RASAL2: variants seen among roughly 807,000 people sequenced by gnomAD.
The protein encoded by RASAL2 is ras GTPase-activating protein nGAP.
RASAL2 carries 58 observed loss-of-function variants against 128.9 expected under a neutral mutation model. The observed-to-expected ratio is 0.45, with a 90% CI of 0.36 to 0.56. The LOEUF is 0.56. Ranked by LOEUF, RASAL2 falls within the 20% of genes least tolerant of loss-of-function variation. The probability of loss-of-function intolerance (pLI) is 0.00; values close to 1 mark genes in which losing one functional copy is unlikely to be tolerated. For synonymous variants in RASAL2, 561 were observed against 580.8 expected (o/e 0.97, Z 0.49); for missense variants, 1,360 against 1,601.6 (o/e 0.85, Z 2.57).
In RASAL2 at chr1:178,390,166, A is replaced by C; in HGVS notation, c.524A>C (p.Asn175Thr). Reference protein sequence around the residue: ...ISGTSTSEKPNSMDTANTSPF... With the variant: ...ISGTSTSEKPTSMDTANTSPF... Reference sequence around the variant, plus strand: ...GGGACCAGTACATCAGAGAAACCCAACTCCATGGACACTGCAAATACCTCA... The same window carrying C: ...GGGACCAGTACATCAGAGAAACCCACCTCCATGGACACTGCAAATACCTCA... Residue 175 changes from asparagine (N) to threonine (T), a missense_variant, in exon 4 of 18, where the codon AAC (asparagine) becomes ACC (threonine). Coordinates refer to ENST00000367649, the MANE Select transcript of RASAL2 (RefSeq NM_170692.4). 6.2e-7 allele frequency: 1 copy of C among 1,612,250 alleles called. No homozygotes were observed. Among genetic ancestry groups the C allele is most frequent in the South Asian group, 1.1e-5 (1 of 90,864 alleles).
intron 2 of RASAL2, among the ~76,000 whole-genome samples, chr1:178,290,435 C>T (rs780946836): frequency 1.3e-5 from 2 of 152,132 alleles, no homozygotes; most frequent in Non-Finnish European, 2.9e-5. Context: ...TGCTTTTCCA[C>T]AGTTGAATAC....
chr1:178,173,584 A>G (rs1276180132), intron 1 of RASAL2, among the ~76,000 whole-genome samples: 2 of 152,062 alleles, frequency 1.3e-5, no homozygotes, highest in African/African-American at 4.8e-5. Flanking sequence ...TCTGTAAAGA[A>G]GTGCCTAAGG....
At chr1:178,198,090 A>G (rs1662735975) in intron 1 of RASAL2, among the ~76,000 whole-genome samples, 1 of 152,208 alleles carries the variant, frequency 6.6e-6, no homozygotes, top group Non-Finnish European at 1.5e-5. Context: ...TGCTTAATCC[A>G]GTCTATCATT....
chr1:178,284,393 G>A (rs570416158), intron 2 of RASAL2, among the ~76,000 whole-genome samples: 5 of 152,154 alleles, frequency 3.3e-5, no homozygotes, highest in Non-Finnish European at 7.3e-5. Flanking sequence ...CTAACTCGAA[G>A]GCAGAAAAAG....
intron 3 of RASAL2, among the ~76,000 whole-genome samples, chr1:178,339,597 A>T (rs995897703): frequency 6.6e-6 from 1 of 152,186 alleles, no homozygotes. Flanking sequence ...TAGATCACAC[A>T]ATTTGACCAC....
rs1558007535 is a variant in RASAL2, at chr1:178,458,479, T to G, written c.3187T>G (p.Ser1063Ala). 1.2e-6 allele frequency: 2 copies of G among 1,614,092 alleles called. No individual in the cohort carries two copies. Among genetic ancestry groups the G allele is most frequent in the African/African-American group, 2.7e-5 (2 of 75,026 alleles). Residue 1063 changes from serine (S) to alanine (A), a missense_variant, in exon 14 of 18, where the codon TCC becomes GCC. Ser to Ala is a moderately conservative substitution (Grantham distance 99). Around this residue, in one of 3 missense-constraint regions of RASAL2, gnomAD observed 741 missense variants for 868.6 expected, o/e 0.85. Transcript: ENST00000367649. The part of the protein sequence containing the change: ...VQNGSRSRQQ[S>A]SSSRESPVPK... ...GAATGGGAGCCGGTCCCGGCAGCAGTCCTCTTCCTCCAGAGAGAGCCCTGT... is the reference window on the plus strand; with the variant it reads ...GAATGGGAGCCGGTCCCGGCAGCAGGCCTCTTCCTCCAGAGAGAGCCCTGT...
chr1:178,360,473 A>G (rs996604487), intron 3 of RASAL2, among the ~76,000 whole-genome samples: 2 of 152,204 alleles, frequency 1.3e-5, no homozygotes, highest in Admixed American at 6.5e-5. Context: ...AAGCTTCCCT[A>G]CTGAATAGTT....
intron 1 of RASAL2, among the ~76,000 whole-genome samples, chr1:178,193,943 T>C (rs955807649): frequency 6.6e-6 from 1 of 152,192 alleles, no homozygotes; most frequent in Non-Finnish European, 1.5e-5. Flanking sequence ...ATCTTCACCC[T>C]TGAAAAAGCC....
intron 1 of RASAL2, among the ~76,000 whole-genome samples, chr1:178,153,333 TA>T (rs1170333145): frequency 6.6e-6 from 1 of 152,188 alleles, no homozygotes; most frequent in Non-Finnish European, 1.5e-5. Context: ...GAAATGTGCA[TA>T]ATATTTAACA....
intron 1 of RASAL2, among the ~76,000 whole-genome samples, chr1:178,171,656 A>G (rs543406977): frequency 1.3e-5 from 2 of 152,064 alleles, no homozygotes; most frequent in African/African-American, 4.8e-5. Flanking sequence ...AAGCTATTTT[A>G]ATGAGGTGGC....
intron 4 of RASAL2, among the ~76,000 whole-genome samples, chr1:178,397,504 A>T (rs900603891): frequency 4.6e-5 from 7 of 152,170 alleles, no homozygotes; most frequent in Non-Finnish European, 1.0e-4. Context: ...GCTAATGGGC[A>T]TGGGGTTTCT....
At chr1:178,467,288 GC>G in intron 16 of RASAL2, 45 bp from the exon 17 acceptor site, 1 of 1,481,400 alleles carries the variant, frequency 6.8e-7, no homozygotes. Flanking sequence ...ACACTAGCTA[GC>G]CCTTTCTTTG....
chr1:178,431,685 A>T (rs1468570307), intron 5 of RASAL2, among the ~76,000 whole-genome samples: 1 of 151,970 alleles, frequency 6.6e-6, no homozygotes, highest in East Asian at 1.9e-4. Flanking sequence ...GTCATCAAGG[A>T]CTGTAAATTA....
chr1:178,290,433 C>A (rs1165775039), intron 2 of RASAL2, among the ~76,000 whole-genome samples: 1 of 151,942 alleles, frequency 6.6e-6, no homozygotes, highest in Admixed American at 6.6e-5. Context: ...GGTGCTTTTC[C>A]ACAGTTGAAT....
chr1:178,242,457 C>T (rs1477133238), intron 1 of RASAL2, among the ~76,000 whole-genome samples: 4 of 131,706 alleles, frequency 3.0e-5, no homozygotes, highest in African/African-American at 1.3e-4. Context: ...CTCTCTCTCT[C>T]TCTCTCTCTC....
intron 3 of RASAL2, among the ~76,000 whole-genome samples, chr1:178,319,527 T>C (rs368891006): frequency 6.7e-6 from 1 of 150,080 alleles, no homozygotes; most frequent in Non-Finnish European, 1.5e-5. Context: ...TTCCCTTCTC[T>C]CTTCATTTCA....
chr1:178,456,879 A>G lies in RASAL2; in HGVS notation c.2370A>G (p.Ile790Met). 1 of 1,614,130 alleles carries G rather than the reference A, an allele frequency of 6.2e-7. No homozygotes were observed. Among genetic ancestry groups the G allele is most frequent in the East Asian group, 2.2e-5 (1 of 44,884 alleles). The change falls in exon 13 of 18, where the codon ATA (isoleucine) becomes ATG (methionine). Residue 790 changes from isoleucine to methionine, a missense_variant. Physicochemically the swap from Ile to Met is conservative, Grantham distance 10. Around this residue, in one of 3 missense-constraint regions of RASAL2, gnomAD observed 741 missense variants for 868.6 expected, o/e 0.85. Coordinates refer to ENST00000367649, the MANE Select transcript of RASAL2 (RefSeq NM_170692.4). ...SGSLSSGLQK[I>M]FEDPTDSDLH... is the part of the protein sequence containing the mutation. ...GCCTCTCCTCTGGGCTGCAGAAAAT[A>G]TTTGAAGACCCCACTGACAGGTATG... is the stretch of plus-strand genomic sequence containing the variant.
intron 5 of RASAL2, among the ~76,000 whole-genome samples, chr1:178,426,665 G>T (rs916808407): frequency 2.6e-5 from 4 of 152,004 alleles, no homozygotes; most frequent in South Asian, 2.1e-4. Context: ...AGGAATGTTG[G>T]GGGTGGGGGG....
chr1:178,176,895 C>T (rs1661913758), intron 1 of RASAL2, among the ~76,000 whole-genome samples: 1 of 152,108 alleles, frequency 6.6e-6, no homozygotes, highest in South Asian at 2.1e-4. Flanking sequence ...AACTATCCTC[C>T]CACCACAGCC....
Sources: gnomAD v4.1 joint callset for allele counts (sites outside exome capture counted in the v4.1 genomes callset) on GRCh38, gnomAD v4.1.1 for gene constraint, gnomAD v4.1.1 regional missense constraint, MANE v1.5 for transcripts, NCBI Gene and HGNC (gene_info 2026-07-23, HGNC 2026-07-21) for gene names.